ROBO2: variants seen among roughly 807,000 people sequenced by gnomAD.
The protein encoded by ROBO2 is roundabout guidance receptor 2.
A neutral mutation model predicts 160.8 loss-of-function variants in ROBO2; 53 were observed. The observed-to-expected ratio is 0.33, with a 90% CI of 0.26 to 0.41. The LOEUF is 0.41. ROBO2 is among the 10% of genes least tolerant of loss of function. ROBO2 has a pLI of 1.00. For synonymous variants in ROBO2, 664 were observed against 611.7 expected, an observed-to-expected ratio of 1.09 and a Z score of -1.26; for missense variants, 1,577 against 1,722.4, an observed-to-expected ratio of 0.92 and a Z score of 1.49.
intron 2 of ROBO2, among the ~76,000 whole-genome samples, chr3:76,101,017 T>A (rs1364201576): frequency 1.3e-5 from 2 of 150,558 alleles, no homozygotes; most frequent in African/African-American, 4.9e-5. Context: ...TTGTAAAGAG[T>A]GCTGTGTATA....
At chr3:76,800,555 G>C (rs974969170) in intron 2 of ROBO2, among the ~76,000 whole-genome samples, 2 of 152,184 alleles carry the variant, frequency 1.3e-5, no homozygotes, top group African/African-American at 2.4e-5. Context: ...TTTAAAAATA[G>C]GGAAAGGATC....
chr3:76,070,840 C>G (rs1051265477), intron 2 of ROBO2, among the ~76,000 whole-genome samples: 8 of 152,126 alleles, frequency 5.3e-5, no homozygotes, highest in African/African-American at 1.4e-4. Context: ...TACGGAATAT[C>G]AGGGCAGATT....
rs2072766616 is a variant in ROBO2 at position 76,164,870 on chromosome 3, C to CG, written c.109+227269dup. Among the ~76,000 whole-genome samples, 3 of 151,994 alleles carry CG rather than the reference C, an allele frequency of 2.0e-5. No homozygotes were observed. In the South Asian group the frequency reaches 6.2e-4, roughly 31 times the overall value. On this transcript the variant is annotated intron_variant, in intron 2 of 26. Coordinates refer to the ROBO2 transcript ENST00000487694. ...GCCTGGGGCCTGGCTGGGACTGCCC[C>CG]GCAGGACACTGGAACCATGCCACAG...
At chr3:77,386,749 C>A (rs2074155781) in intron 2 of ROBO2, among the ~76,000 whole-genome samples, 1 of 150,974 alleles carries the variant, frequency 6.6e-6, no homozygotes. Context: ...ATTACAGGCG[C>A]CCACCACCAC....
intron 2 of ROBO2, among the ~76,000 whole-genome samples, chr3:76,031,120 T>G (rs1226397102): frequency 6.6e-6 from 1 of 152,208 alleles, no homozygotes; most frequent in Non-Finnish European, 1.5e-5. Flanking sequence ...TTTTATTCTC[T>G]TCATAGCAGT....
chr3:77,292,637 T>C (rs1189199524), intron 2 of ROBO2, among the ~76,000 whole-genome samples: 3 of 135,068 alleles, frequency 2.2e-5, no homozygotes, highest in Non-Finnish European at 4.8e-5. Flanking sequence ...AAACAGGAAG[T>C]TGAGGCTAGA....
Position 77,140,744 on chromosome 3 carries a change from C to T in ROBO2, c.388+42404C>T, listed in dbSNP as rs187297722. 4.6e-5 allele frequency among the ~76,000 whole-genome samples: 7 copies of T among 152,296 alleles called. No homozygotes were observed. In the East Asian group the frequency reaches 5.8e-4, roughly 13 times the overall value. On this transcript the variant is annotated intron_variant, in intron 2 of 25. Coordinates refer to ENST00000461745, the Ensembl canonical transcript of ROBO2. The stretch of plus-strand genomic sequence containing the variant: ...TTAGCCCAGGGTCCCAATTTAATAT[C>T]TACTGATGGCGTCCCTTTCTTTATA...
At chr3:77,115,914 C>G (rs78789486) in intron 2 of ROBO2, among the ~76,000 whole-genome samples, 2,408 of 152,200 alleles carry the variant, frequency 0.016, 40 homozygotes, top group Non-Finnish European at 0.024. Context: ...TGAGATCTAG[C>G]GACATCATGA....
intron 2 of ROBO2, among the ~76,000 whole-genome samples, chr3:76,853,173 A>G (rs1220426931): frequency 6.6e-6 from 1 of 152,096 alleles, no homozygotes. Flanking sequence ...ATTTCTTAAT[A>G]TTTAGTTTCT....
intron 2 of ROBO2, among the ~76,000 whole-genome samples, chr3:77,404,560 T>A (rs375532621): frequency 1.7e-4 from 26 of 152,306 alleles, no homozygotes; most frequent in Non-Finnish European, 2.8e-4. Context: ...GTTCAAAGCA[T>A]GTCATTCTTT....
chr3:76,437,775 G>T (rs750270664), intron 2 of ROBO2, among the ~76,000 whole-genome samples: 1 of 152,104 alleles, frequency 6.6e-6, no homozygotes, highest in Non-Finnish European at 1.5e-5. Context: ...AGGTGATATT[G>T]CTTCTAAAAT....
intron 2 of ROBO2, among the ~76,000 whole-genome samples, chr3:76,692,861 C>T (rs551099575): frequency 2.2e-4 from 33 of 151,902 alleles, no homozygotes; most frequent in African/African-American, 8.0e-4. Context: ...AAACAGAACA[C>T]ACTCACAAAC....
At chr3:76,167,801 T>C (rs914969868) in intron 2 of ROBO2, among the ~76,000 whole-genome samples, 1 of 152,212 alleles carries the variant, frequency 6.6e-6, no homozygotes, top group African/African-American at 2.4e-5. Flanking sequence ...AACAGTAGAT[T>C]TGTGTTCTAA....
chr3:76,161,104 A>G (rs1445567244), intron 2 of ROBO2, among the ~76,000 whole-genome samples: 3 of 152,108 alleles, frequency 2.0e-5, no homozygotes, highest in Non-Finnish European at 4.4e-5. Flanking sequence ...ATCTTTTTGT[A>G]AAGCAGAATT....
chr3:77,588,700 C>A, intron 16 of ROBO2, 51 bp from the exon 18 acceptor site: 2 of 1,529,932 alleles, frequency 1.3e-6, no homozygotes, highest in South Asian at 1.1e-5. Flanking sequence ...GTTTATATTC[C>A]TGTGCTTATT....
At chr3:77,554,467 T>G (rs907590497) in intron 8 of ROBO2, among the ~76,000 whole-genome samples, 2 of 152,010 alleles carry the variant, frequency 1.3e-5, no homozygotes, top group Non-Finnish European at 2.9e-5. Context: ...TAGACAGTAA[T>G]TCAACTGAAG....
At chr3:76,104,006 C>T (rs949671495) in intron 2 of ROBO2, among the ~76,000 whole-genome samples, 7 of 152,110 alleles carry the variant, frequency 4.6e-5, no homozygotes, top group African/African-American at 1.7e-4. Flanking sequence ...TTTCACTTTC[C>T]CTGTAAGGTA....
At chr3:75,940,720 A>G (rs1948014153) in intron 2 of ROBO2, among the ~76,000 whole-genome samples, 2 of 152,322 alleles carry the variant, frequency 1.3e-5, no homozygotes, top group African/African-American at 2.4e-5. Context: ...CTATTACAAT[A>G]TATACATTTT....
At position 76,242,612 on chromosome 3, in the gene ROBO2, G is replaced by A. The variant is rs143034322; in HGVS notation, c.109+305010G>A. 2.2e-4 allele frequency among the ~76,000 whole-genome samples: 34 copies of A among 152,232 alleles called. No individual in the cohort carries two copies. In the East Asian group the frequency reaches 6.2e-3, roughly 28 times the overall value. On this transcript the variant is annotated intron_variant, in intron 2 of 26. Transcript: ENST00000487694. The stretch of plus-strand genomic sequence containing the variant: ...AAGAAATCCCACATCTAGGCAGGGC[G>A]TGGTGGCTCGGTCTTGCAATCCCAG...
Sources: allele counts gnomAD v4.1 joint callset (sites outside exome capture counted in the v4.1 genomes callset), GRCh38; gene constraint gnomAD v4.1.1; transcripts MANE v1.5; gene names NCBI Gene and HGNC (gene_info 2026-07-23, HGNC 2026-07-21).